Variants in DIP2C observed in about 807,000 individuals in gnomAD.
The protein encoded by DIP2C is disco-interacting protein 2 homolog C.
DIP2C carries 33 observed loss-of-function variants against 192.4 expected under a neutral mutation model. The observed-to-expected ratio is 0.17, with a 90% CI of 0.13 to 0.23. The LOEUF (loss-of-function observed/expected upper bound fraction) is 0.23, where lower values mean the gene tolerates loss of function less well. Among genes scored for constraint, DIP2C ranks in the 10% least tolerant of loss-of-function variants. The pLI, the probability that DIP2C is intolerant of heterozygous loss-of-function variation, is 1.00. For missense variants in DIP2C, 1,537 were observed against 2,110.1 expected, an observed-to-expected ratio of 0.73 and a Z score of 5.32; for synonymous variants, 979 against 864.1, an observed-to-expected ratio of 1.13 and a Z score of -2.33.
At chr10:424,834 C>CT (rs1219016799) in intron 4 of DIP2C, among the ~76,000 whole-genome samples, 19 of 152,258 alleles carry the variant, frequency 1.2e-4, no homozygotes, top group Non-Finnish European at 2.4e-4. Flanking sequence ...CCACCTACCT[C>CT]TTCCAAGAAA....
chr10:566,107 G>A (rs1251929053), intron 1 of DIP2C, among the ~76,000 whole-genome samples: 1 of 152,206 alleles, frequency 6.6e-6, no homozygotes, highest in Non-Finnish European at 1.5e-5. Context: ...TCTAAGAATA[G>A]AAACTTCTAA....
intron 32 of DIP2C, among the ~76,000 whole-genome samples, chr10:305,703 G>A (rs780284497): frequency 4.6e-5 from 7 of 152,178 alleles, no homozygotes; most frequent in South Asian, 2.1e-4. Flanking sequence ...GGAGTGCAGC[G>A]GTGTGATCAT....
At chr10:337,925 G>A (rs2132534804) in intron 29 of DIP2C, among the ~76,000 whole-genome samples, 1 of 150,010 alleles carries the variant, frequency 6.7e-6, no homozygotes. Flanking sequence ...AGGCTGATGT[G>A]TATGTGTGTG....
At chr10:598,178 C>G (rs1851830260) in intron 1 of DIP2C, among the ~76,000 whole-genome samples, 1 of 152,204 alleles carries the variant, frequency 6.6e-6, no homozygotes, top group Non-Finnish European at 1.5e-5. Context: ...GCAGCACTCA[C>G]TGGGGGAGGC....
intron 30 of DIP2C, 109 bp from the exon 31 acceptor site, chr10:327,285 GCTAT>G (rs1957316623): frequency 3.8e-6 from 5 of 1,312,266 alleles, no homozygotes; most frequent in Non-Finnish European, 5.1e-6. Context: ...ACTCAACACA[GCTAT>G]GCATTTCCAG....
chr10:471,204 C>G (rs951406981), intron 3 of DIP2C, among the ~76,000 whole-genome samples: 1 of 152,156 alleles, frequency 6.6e-6, no homozygotes. Context: ...GGAGGTGGCA[C>G]CAGCTTTTCA....
rs547597432 is a variant in DIP2C at position 350,667 on chromosome 10, T to A, written c.2986-1213A>T. Among the ~76,000 whole-genome samples, 97 of 129,792 alleles carry A rather than the reference T, an allele frequency of 7.5e-4. No homozygotes were observed. In the South Asian group the frequency reaches 0.014, roughly 18 times the overall value. 85.1% of individuals were successfully genotyped at this position (129,792 alleles called of 152,430 possible). On this transcript the variant is annotated intron_variant, in intron 24 of 36. Coordinates refer to ENST00000280886, the MANE Select transcript of DIP2C (RefSeq NM_014974.3). ...TTTTTTTTTTTTTTTTGAGATGGGG[T>A]CTCGCTCTGTCGCCAGGCTGGAGTG...
chr10:355,402 G>C (rs1959034721), intron 24 of DIP2C, among the ~76,000 whole-genome samples: 1 of 152,226 alleles, frequency 6.6e-6, no homozygotes, highest in Non-Finnish European at 1.5e-5. Flanking sequence ...ATAATTTCGT[G>C]ATGCTGCTGG....
At chr10:364,023 G>T (rs888420808) in intron 20 of DIP2C, among the ~76,000 whole-genome samples, 8 of 152,220 alleles carry the variant, frequency 5.3e-5, no homozygotes, top group Admixed American at 4.6e-4. Flanking sequence ...ACAAGTCTGT[G>T]ACTGAACCAT....
chr10:299,472 C>T (rs1459891098), intron 32 of DIP2C, among the ~76,000 whole-genome samples: 2 of 152,114 alleles, frequency 1.3e-5, no homozygotes, highest in Non-Finnish European at 2.9e-5. Context: ...AATAGTGTCC[C>T]TGCCTTTAAA....
At chr10:367,928 A>C (rs1311487653) in intron 18 of DIP2C, among the ~76,000 whole-genome samples, 1 of 150,798 alleles carries the variant, frequency 6.6e-6, no homozygotes, top group South Asian at 2.1e-4. Flanking sequence ...GGGCCCGGGA[A>C]GCCCGCGGTT....
Position 597,756 on chromosome 10 carries a change from A to C in DIP2C, c.85+91738T>G, listed in dbSNP as rs561479043. Among the ~76,000 whole-genome samples the C allele has an allele frequency of 1.1e-3, 175 of 152,350 alleles. 2 individuals are homozygous for C. In the South Asian group the frequency reaches 0.035, roughly 31 times the overall value. On this transcript the variant is annotated intron_variant, in intron 1 of 36. Transcript: ENST00000280886. ...CTGTCCCTTCATGTTTTTATACAAA[A>C]TAAGCTTGAGGTTAAAGAGAATAAC...
At chr10:631,561 G>C (rs1854521921) in intron 1 of DIP2C, among the ~76,000 whole-genome samples, 1 of 149,756 alleles carries the variant, frequency 6.7e-6, no homozygotes, top group Admixed American at 6.7e-5. Flanking sequence ...CTCTTAACAT[G>C]TTTTTTTTTT....
chr10:324,349 C>G (rs1489949696), intron 31 of DIP2C, among the ~76,000 whole-genome samples: 1 of 152,204 alleles, frequency 6.6e-6, no homozygotes, highest in Non-Finnish European at 1.5e-5. Context: ...GCTGTGGCAT[C>G]ATGCATGGCA....
At chr10:423,139 G>GT (rs1272867082) in intron 4 of DIP2C, 106 bp from the exon 5 acceptor site, 1 of 1,082,724 alleles carries the variant, frequency 9.2e-7, no homozygotes, top group African/African-American at 1.6e-5. Flanking sequence ...CTCAATAGTT[G>GT]TTCAATGACT....
At chr10:507,893 C>T (rs1433166007) in intron 1 of DIP2C, among the ~76,000 whole-genome samples, 2 of 152,144 alleles carry the variant, frequency 1.3e-5, no homozygotes, top group Admixed American at 6.5e-5. Context: ...AAATGAGGGG[C>T]CCAAGTTTTA....
At chr10:281,755 A>G (rs369413439) in intron 35 of DIP2C, among the ~76,000 whole-genome samples, 13 of 152,334 alleles carry the variant, frequency 8.5e-5, no homozygotes, top group African/African-American at 3.1e-4. Flanking sequence ...CTGTGACTCT[A>G]TCCCACACAT....
At chr10:491,193 G>A (rs1412042062) in intron 1 of DIP2C, among the ~76,000 whole-genome samples, 1 of 152,172 alleles carries the variant, frequency 6.6e-6, no homozygotes, top group Non-Finnish European at 1.5e-5. Flanking sequence ...GGAGCCGCGT[G>A]ACCCTAGGGG....
chr10:591,468 C>T (rs968356828), intron 1 of DIP2C, among the ~76,000 whole-genome samples: 3 of 152,204 alleles, frequency 2.0e-5, no homozygotes, highest in African/African-American at 7.2e-5. Flanking sequence ...ACCCACTCCC[C>T]TATTTTGTTA....
Sources: allele counts gnomAD v4.1 joint callset (sites outside exome capture counted in the v4.1 genomes callset), GRCh38; gene constraint gnomAD v4.1.1; transcripts MANE v1.5; gene names NCBI Gene and HGNC (gene_info 2026-07-23, HGNC 2026-07-21).